Variants in PKNOX2 observed in about 807,000 individuals in gnomAD.
PKNOX2 encodes the protein homeobox protein PKNOX2.
In PKNOX2, 14 loss-of-function variants were observed where a neutral mutation model predicts 53.1. The observed-to-expected ratio is 0.26, with a 90% CI of 0.17 to 0.41. PKNOX2 has a LOEUF of 0.41. PKNOX2 is among the 10% of genes least tolerant of loss of function. PKNOX2 has a pLI of 1.00. For synonymous variants in PKNOX2, 257 were observed against 242.8 expected (o/e 1.06, Z -0.54); for missense variants, 496 against 602.8 (o/e 0.82, Z 1.85).
chr11:125,348,992 G>T (rs767199839), intron 3 of PKNOX2, among the ~76,000 whole-genome samples: 7 of 152,200 alleles, frequency 4.6e-5, no homozygotes, highest in African/African-American at 1.7e-4. Flanking sequence ...TTTTCCTGGC[G>T]GACGAGCATC....
chr11:125,293,846 T>G (rs1947482344), intron 2 of PKNOX2, among the ~76,000 whole-genome samples: 1 of 151,914 alleles, frequency 6.6e-6, no homozygotes, highest in Non-Finnish European at 1.5e-5. Context: ...CACATACACT[T>G]TATCCCTGGA....
chr11:125,395,801 A>G (rs911149948), intron 6 of PKNOX2, among the ~76,000 whole-genome samples: 2 of 151,728 alleles, frequency 1.3e-5, no homozygotes, highest in East Asian at 1.9e-4. Context: ...TTGTTTTGAG[A>G]GTTCTTTATA....
At chr11:125,333,292 C>T (rs1950240135) in intron 3 of PKNOX2, among the ~76,000 whole-genome samples, 1 of 152,194 alleles carries the variant, frequency 6.6e-6, no homozygotes, top group Non-Finnish European at 1.5e-5. Flanking sequence ...CTGCTGAACT[C>T]TCCTGTAGAG....
At chr11:125,186,794 G>C (rs1956472475) in intron 1 of PKNOX2, among the ~76,000 whole-genome samples, 1 of 152,136 alleles carries the variant, frequency 6.6e-6, no homozygotes, top group Non-Finnish European at 1.5e-5. Context: ...TCAAATCCAA[G>C]GTCATGAAGA....
At chr11:125,306,409 C>T (rs945208684) in intron 2 of PKNOX2, among the ~76,000 whole-genome samples, 1 of 152,182 alleles carries the variant, frequency 6.6e-6, no homozygotes, top group Non-Finnish European at 1.5e-5. Context: ...CTCCCAGGCC[C>T]GCTTCTCCTG....
rs534206102 is a variant in PKNOX2, at chr11:125,305,644, AG to A, written c.-129-26173del. Among the ~76,000 whole-genome samples, 361 of 152,302 alleles carry A rather than the reference AG, an allele frequency of 2.4e-3. 1 individual carries two copies. Among genetic ancestry groups the A allele is most frequent in the African/African-American group, 7.5e-3 (313 of 41,570 alleles). On this transcript the variant is annotated intron_variant, in intron 2 of 12. Coordinates refer to ENST00000298282, the MANE Select transcript of PKNOX2 (RefSeq NM_001382323.2). ...AAAGAAATGGCTGTAAACAGGTGTC[AG>A]GTGTCTTGCATGGTCAGGAGCTAAC...
In PKNOX2 at chr11:125,355,814, C is replaced by T. The variant is rs1991271; in HGVS notation, c.87+4422C>T. On this transcript the variant is annotated intron_variant, in intron 4 of 12. Transcript: ENST00000298282. Reference sequence around the variant, plus strand: ...TTTTCTTGGGAACACACAACCACCCCGTCACTCCTTCTAGGCAAATACCTC... The same window carrying T: ...TTTTCTTGGGAACACACAACCACCCTGTCACTCCTTCTAGGCAAATACCTC... 5.2e-3 allele frequency among the ~76,000 whole-genome samples: 793 copies of T among 152,238 alleles called. 10 individuals carry two copies. The highest frequency in any genetic ancestry group is 0.01 in the Middle Eastern group (3 of 294).
At chr11:125,327,962 C>G (rs1165137161) in intron 2 of PKNOX2, among the ~76,000 whole-genome samples, 1 of 152,190 alleles carries the variant, frequency 6.6e-6, no homozygotes, top group Non-Finnish European at 1.5e-5. Flanking sequence ...AGCTTCTTTC[C>G]CTAATATTGG....
intron 2 of PKNOX2, among the ~76,000 whole-genome samples, chr11:125,267,891 C>T (rs757480154): frequency 7.9e-5 from 12 of 152,190 alleles, no homozygotes; most frequent in Non-Finnish European, 1.6e-4. Context: ...AGGCGCTCAT[C>T]AACACTGTTT....
At position 125,180,991 on chromosome 11, in the gene PKNOX2, A is replaced by G. The variant is rs536583328; in HGVS notation, c.-201+16215A>G. The stretch of plus-strand genomic sequence containing the variant: ...CTAGTCCTGCACTTCAGGAACTTCT[A>G]GTTTAGCTAGGGAGACAATGCTTAC... On this transcript the variant is annotated intron_variant, in intron 1 of 12. Transcript: ENST00000298282. Among the ~76,000 whole-genome samples, 41 of 152,370 alleles carry G rather than the reference A, an allele frequency of 2.7e-4. No homozygotes were observed. The South Asian group carries it at 8.3e-3, about 31-fold the overall frequency.
At chr11:125,318,888 C>A (rs1949362189) in intron 2 of PKNOX2, among the ~76,000 whole-genome samples, 1 of 152,112 alleles carries the variant, frequency 6.6e-6, no homozygotes, top group Non-Finnish European at 1.5e-5. Context: ...TCCTCTCACC[C>A]TTTTATCCTG....
At chr11:125,382,241 T>A (rs1200583701) in intron 5 of PKNOX2, among the ~76,000 whole-genome samples, 1 of 152,184 alleles carries the variant, frequency 6.6e-6, no homozygotes, top group Admixed American at 6.5e-5. Context: ...GTGCACACAA[T>A]GAAAACACAC....
At chr11:125,169,582 T>C (rs1340739248) in intron 1 of PKNOX2, among the ~76,000 whole-genome samples, 1 of 152,162 alleles carries the variant, frequency 6.6e-6, no homozygotes, top group South Asian at 2.1e-4. Context: ...ATGACTCCAG[T>C]GGGTCATCTA....
intron 6 of PKNOX2, among the ~76,000 whole-genome samples, chr11:125,395,499 C>G (rs750949766): frequency 6.6e-6 from 1 of 152,218 alleles, no homozygotes; most frequent in Non-Finnish European, 1.5e-5. Context: ...AATTGTCATA[C>G]TGTTTTCCAG....
intron 11 of PKNOX2, 144 bp downstream of exon 11, chr11:125,429,232 C>G: frequency 2.5e-6 from 2 of 798,366 alleles, no homozygotes; most frequent in African/African-American, 1.7e-5. Context: ...CCCATTTAGG[C>G]TAGAAGCAGA....
intron 6 of PKNOX2, among the ~76,000 whole-genome samples, chr11:125,392,125 A>T (rs1387536879): frequency 6.6e-6 from 1 of 152,248 alleles, no homozygotes; most frequent in Non-Finnish European, 1.5e-5. Flanking sequence ...AGACATTATT[A>T]GAAGAGATTA....
At chr11:125,263,453 G>A (rs1591503176) in intron 2 of PKNOX2, among the ~76,000 whole-genome samples, 1 of 152,254 alleles carries the variant, frequency 6.6e-6, no homozygotes, top group African/African-American at 2.4e-5. Flanking sequence ...AACAGCTGCA[G>A]TCCAGCTGCT....
chr11:125,334,347 T>G (rs1222084716), intron 3 of PKNOX2, among the ~76,000 whole-genome samples: 2 of 152,144 alleles, frequency 1.3e-5, no homozygotes, highest in Non-Finnish European at 2.9e-5. Context: ...GCCTGGATAG[T>G]CATGGATTGG....
At chr11:125,329,792 G>A (rs1183838739) in intron 2 of PKNOX2, among the ~76,000 whole-genome samples, 1 of 152,212 alleles carries the variant, frequency 6.6e-6, no homozygotes, top group African/African-American at 2.4e-5. Context: ...GGCAAGTGTT[G>A]TGAGTGGTTG....
Sources: allele counts gnomAD v4.1 joint callset (sites outside exome capture counted in the v4.1 genomes callset), GRCh38; gene constraint gnomAD v4.1.1; transcripts MANE v1.5; gene names NCBI Gene and HGNC (gene_info 2026-07-23, HGNC 2026-07-21).